The following RAB31 variants were observed in gnomAD, a reference collection of about 807,000 sequenced individuals.
The protein encoded by RAB31 is RAB31, member RAS oncogene family.
Under a neutral mutation model 25.6 loss-of-function variants are expected in RAB31, and 21 were observed. The ratio of observed to expected loss-of-function variants is 0.82; its 90% CI spans 0.58 to 1.18. The LOEUF (loss-of-function observed/expected upper bound fraction) is 1.18. RAB31 is among the 50% of genes most tolerant of loss of function. The pLI, the probability that RAB31 is intolerant of heterozygous loss-of-function variation, is 0.00. For synonymous variants in RAB31, 87 were observed against 84.0 expected, an observed-to-expected ratio of 1.04 and a Z score of -0.20; for missense variants, 196 against 250.1, an observed-to-expected ratio of 0.78 and a Z score of 1.46.
intron 1 of RAB31, among the ~76,000 whole-genome samples, chr18:9,728,490 A>G (rs1215747902): frequency 6.6e-6 from 1 of 152,210 alleles, no homozygotes; most frequent in Non-Finnish European, 1.5e-5. Flanking sequence ...GTTTGATGAC[A>G]TGATTTTCTA....
intron 2 of RAB31, among the ~76,000 whole-genome samples, chr18:9,790,695 A>G (rs769493590): frequency 1.2e-4 from 18 of 152,240 alleles, no homozygotes; most frequent in Admixed American, 5.9e-4. Flanking sequence ...TATTTGAAGC[A>G]TTCAGGCCAG....
intron 1 of RAB31, among the ~76,000 whole-genome samples, chr18:9,758,506 A>C (rs572084437): frequency 6.6e-6 from 1 of 151,916 alleles, no homozygotes; most frequent in East Asian, 1.9e-4. Context: ...GGGCTAGTGC[A>C]TCCTTTTGGT....
intron 1 of RAB31, among the ~76,000 whole-genome samples, chr18:9,720,138 A>G (rs966961166): frequency 1.3e-5 from 2 of 152,060 alleles, no homozygotes; most frequent in Non-Finnish European, 2.9e-5. Context: ...TAATTTTTCT[A>G]TTTTTAGTAG....
intron 3 of RAB31, among the ~76,000 whole-genome samples, chr18:9,806,156 A>G (rs543676086): frequency 1.1e-4 from 17 of 149,706 alleles, no homozygotes; most frequent in East Asian, 9.9e-4. Context: ...CAGCCTGGGC[A>G]ACACAGAGAG....
chr18:9,727,392 C>G (rs2068100770), intron 1 of RAB31, among the ~76,000 whole-genome samples: 1 of 152,228 alleles, frequency 6.6e-6, no homozygotes. Context: ...TCATAGCTTA[C>G]TGCAGCCTCA....
At chr18:9,772,305 G>A (rs575817963) in intron 1 of RAB31, among the ~76,000 whole-genome samples, 3 of 152,086 alleles carry the variant, frequency 2.0e-5, no homozygotes, top group Non-Finnish European at 2.9e-5. Context: ...GGAAGGCCCC[G>A]GGGCACACAG....
At chr18:9,738,330 G>C (rs551221753) in intron 1 of RAB31, among the ~76,000 whole-genome samples, 7 of 152,272 alleles carry the variant, frequency 4.6e-5, no homozygotes, top group African/African-American at 1.7e-4. Flanking sequence ...TTTAGGATGG[G>C]GCTGGTCACA....
At chr18:9,833,705 A>G (rs909670838) in intron 5 of RAB31, among the ~76,000 whole-genome samples, 5 of 152,190 alleles carry the variant, frequency 3.3e-5, no homozygotes, top group African/African-American at 1.2e-4. Flanking sequence ...TTTCGTTTAG[A>G]AAAAGGGCCT....
intron 3 of RAB31, among the ~76,000 whole-genome samples, chr18:9,810,772 C>G (rs774677679): frequency 7.9e-5 from 12 of 152,146 alleles, no homozygotes; most frequent in Non-Finnish European, 1.8e-4. Context: ...GAGCTTGAGT[C>G]CATGAATATC....
intron 6 of RAB31, among the ~76,000 whole-genome samples, chr18:9,854,859 T>C (rs2068807902): frequency 6.6e-6 from 1 of 152,254 alleles, no homozygotes; most frequent in South Asian, 2.1e-4. Context: ...CCTAGCAAAC[T>C]TGGTCAAGTT....
At chr18:9,785,716 G>T (rs540928467) in intron 2 of RAB31, among the ~76,000 whole-genome samples, 2 of 152,232 alleles carry the variant, frequency 1.3e-5, no homozygotes, top group Middle Eastern at 3.4e-3. Flanking sequence ...GGCCTTGCTG[G>T]GTTTTGATCA....
chr18:9,825,058 C>T (rs1420109112), intron 5 of RAB31, among the ~76,000 whole-genome samples: 1 of 152,194 alleles, frequency 6.6e-6, no homozygotes, highest in African/African-American at 2.4e-5. Flanking sequence ...CCATTCTGTT[C>T]TCTCCACCAT....
At chr18:9,806,784 A>G (rs2068544055) in intron 3 of RAB31, among the ~76,000 whole-genome samples, 1 of 152,198 alleles carries the variant, frequency 6.6e-6, no homozygotes, top group African/African-American at 2.4e-5. Context: ...GGGAGGTGAG[A>G]CGAGGTAGAA....
chr18:9,754,584 CT>C (rs2068251609), intron 1 of RAB31, among the ~76,000 whole-genome samples: 1 of 152,136 alleles, frequency 6.6e-6, no homozygotes, highest in South Asian at 2.1e-4. Flanking sequence ...CCAGCCCAGA[CT>C]TTTTTCTTGT....
intron 5 of RAB31, among the ~76,000 whole-genome samples, chr18:9,841,418 A>G (rs1456091280): frequency 2.0e-5 from 3 of 151,842 alleles, no homozygotes; most frequent in Non-Finnish European, 4.4e-5. Flanking sequence ...AGGCGCCTGT[A>G]GTCCCAGCTA....
Position 9,777,170 on chromosome 18 carries a change from C to G in RAB31, c.119+1813C>G, listed in dbSNP as rs997251814. Among the ~76,000 whole-genome samples the G allele has an allele frequency of 1.2e-4, 18 of 151,798 alleles. No individual in the cohort carries two copies. In the South Asian group the frequency reaches 2.9e-3, roughly 25 times the overall value. ...CAGCCTGGCCAACACGGTGAAACCC[C>G]TCTCTACTAAAAATACAAAAATTAA... On this transcript the variant is annotated intron_variant, in intron 2 of 6. Coordinates refer to ENST00000578921, the MANE Select transcript of RAB31 (RefSeq NM_006868.4).
intron 1 of RAB31, among the ~76,000 whole-genome samples, chr18:9,743,126 CT>C (rs2068188491): frequency 6.6e-6 from 1 of 152,168 alleles, no homozygotes; most frequent in African/African-American, 2.4e-5. Flanking sequence ...AATTCAGCCC[CT>C]AGACCTGCTT....
At chr18:9,717,845 G>A (rs1219176677) in intron 1 of RAB31, among the ~76,000 whole-genome samples, 3 of 152,024 alleles carry the variant, frequency 2.0e-5, no homozygotes, top group South Asian at 4.1e-4. Flanking sequence ...TATTGGCCAG[G>A]GCATTTACAT....
intron 1 of RAB31, among the ~76,000 whole-genome samples, chr18:9,773,495 T>A (rs766047159): frequency 6.6e-6 from 1 of 152,200 alleles, no homozygotes; most frequent in East Asian, 1.9e-4. Context: ...TCGGTGTTGA[T>A]AAAGCCTTGG....
Sources: gnomAD v4.1 joint callset for allele counts (sites outside exome capture counted in the v4.1 genomes callset) on GRCh38, gnomAD v4.1.1 for gene constraint, MANE v1.5 for transcripts, NCBI Gene and HGNC (gene_info 2026-07-23, HGNC 2026-07-21) for gene names.